Variants in PCDHA5 observed in about 807,000 individuals in gnomAD.
The protein encoded by PCDHA5 is protocadherin alpha 5, also known as protocadherin alpha-5.
PCDHA5 carries 43 observed loss-of-function variants against 61.6 expected under a neutral mutation model. The ratio of observed to expected loss-of-function variants is 0.70; its 90% CI spans 0.55 to 0.90. The LOEUF is 0.90. Ranked by LOEUF, PCDHA5 falls within the 40% of genes least tolerant of loss-of-function variation. The pLI is 0.00. For synonymous variants in PCDHA5, 627 were observed against 543.9 expected (o/e 1.15, Z -2.13); for missense variants, 1,298 against 1,222.7 (o/e 1.06, Z -0.92).
chr5:140,867,911 T>C (rs2050196676), intron 1 of PCDHA5: 1 of 152,134 alleles, frequency 6.6e-6, no homozygotes. Context: ...GAAGGTATAA[T>C]TAAAAATCAC....
At chr5:141,009,463 A>C in intron 3 of PCDHA5, 164 bp from the exon 4 acceptor site, 1 of 954,884 alleles carries the variant, frequency 1.0e-6, no homozygotes, top group Non-Finnish European at 1.2e-6. Context: ...AAACAAATAA[A>C]TAAATAAGTA....
intron 1 of PCDHA5, among the ~76,000 whole-genome samples, chr5:140,950,689 A>G (rs1585383013): frequency 2.6e-5 from 4 of 152,212 alleles, no homozygotes; most frequent in Admixed American, 2.6e-4. Flanking sequence ...ATTGTTAACC[A>G]AATTTGACAA....
chr5:140,928,291 G>A (rs62384489), intron 1 of PCDHA5: 1 of 1,614,142 alleles, frequency 6.2e-7, no homozygotes, highest in Non-Finnish European at 8.5e-7. Context: ...TCTAGGCCGA[G>A]TGTTTGCCCA....
chr5:140,821,687 TAA>T lies in PCDHA5; in HGVS notation c.-84_-83del. The T allele has an allele frequency of 7.3e-7, 1 of 1,378,436 alleles. No individual in the cohort carries two copies. Among genetic ancestry groups the T allele is most frequent in the Non-Finnish European group, 9.9e-7 (1 of 1,012,094 alleles). The allele number at this position is 1,378,436 out of a possible 1,614,324, so 85.4% of individuals were successfully genotyped here. On this transcript the variant is annotated 5_prime_UTR_variant, in exon 1 of 4. Transcript: ENST00000529859. ...CAAGAAGCTCAGAAAGGCGATAATA[TAA>T]AAAATATATAGTTAATTGGGAATTG...
intron 1 of PCDHA5, among the ~76,000 whole-genome samples, chr5:140,838,413 C>T (rs1304271115): frequency 6.6e-6 from 1 of 151,456 alleles, no homozygotes; most frequent in East Asian, 1.9e-4. Context: ...AGTGAGCCAC[C>T]GCATCCGGCC....
chr5:140,869,159 T>C, intron 1 of PCDHA5: 1 of 1,613,792 alleles, frequency 6.2e-7, no homozygotes, highest in Non-Finnish European at 8.5e-7. Flanking sequence ...CTCTGGCTTC[T>C]CCTCCTCGAA....
chr5:140,986,106 G>A (rs2097187379), intron 3 of PCDHA5, among the ~76,000 whole-genome samples: 2 of 152,116 alleles, frequency 1.3e-5, no homozygotes, highest in Non-Finnish European at 2.9e-5. Context: ...AAAAGCCTAA[G>A]ATAAAGATGC....
At chr5:140,875,516 T>G in intron 1 of PCDHA5, 1 of 1,613,976 alleles carries the variant, frequency 6.2e-7, no homozygotes, top group Non-Finnish European at 8.5e-7. Context: ...CAGCGTCTGC[T>G]GCTCTCGCTT....
Position 140,838,737 on chromosome 5 carries a change from A to G in PCDHA5, c.2352+14610A>G, listed in dbSNP as rs2150292002. The stretch of plus-strand genomic sequence containing the variant: ...GATTGCTTCAGTCTAGTAGTTTGAG[A>G]CCAGCTTGTGCATCTTTTGTAGAGA... On this transcript the variant is annotated intron_variant, in intron 1 of 3. Coordinates refer to ENST00000529859, the MANE Select transcript of PCDHA5 (RefSeq NM_018908.3). Among the ~76,000 whole-genome samples, 22 of 152,120 alleles carry G rather than the reference A, an allele frequency of 1.4e-4. 1 individual carries two copies. Among genetic ancestry groups the G allele is most frequent in the African/African-American group, 5.3e-4 (22 of 41,484 alleles).
intron 1 of PCDHA5, chr5:140,841,685 G>T (rs1332759626): frequency 6.2e-7 from 1 of 1,613,842 alleles, no homozygotes; most frequent in Non-Finnish European, 8.5e-7. Context: ...TGTGGACGTG[G>T]AGGTGAAGGA....
chr5:140,850,639 T>C (rs2150491929), intron 1 of PCDHA5: 1 of 1,598,684 alleles, frequency 6.3e-7, no homozygotes, highest in East Asian at 2.2e-5. Flanking sequence ...GTTCTCACGC[T>C]GCTGCTGTAC....
chr5:140,875,441 T>C (rs781902185), intron 1 of PCDHA5: 1 of 1,570,886 alleles, frequency 6.4e-7, no homozygotes, highest in Admixed American at 1.9e-5. Flanking sequence ...TTAAAACTGA[T>C]TGTCCCAACT....
rs143184133 is a variant in PCDHA5, at chr5:140,823,342, G to A, written c.1567G>A (p.Asp523Asn). The change falls in exon 1 of 4, where the codon GAC (aspartate) becomes AAC (asparagine). Residue 523 changes from aspartate (D) to asparagine (N), a missense_variant. By Grantham distance (23) the Asp-to-Asn change is conservative (BLOSUM62 1). Transcript: ENST00000529859. ...CAAGGTGTACGCGCTGCAGCCGCTGGACCACGAGGAAGTGGAGCTGCTGCA... is the reference window on the plus strand; with the variant it reads ...CAAGGTGTACGCGCTGCAGCCGCTGAACCACGAGGAAGTGGAGCTGCTGCA... ...SGKVYALQPL[D>N]HEEVELLQFQ... The A allele has an allele frequency of 6.2e-7, 1 of 1,612,384 alleles. No homozygotes were observed. The highest frequency in any genetic ancestry group is 8.5e-7 in the Non-Finnish European group (1 of 1,179,772).
chr5:140,915,850 C>A (rs2077335554), intron 1 of PCDHA5, among the ~76,000 whole-genome samples: 1 of 152,140 alleles, frequency 6.6e-6, no homozygotes, highest in South Asian at 2.1e-4. Context: ...GGGGTGACAC[C>A]AGCCAAGTTT....
chr5:140,973,242 ATTC>A (rs1295527172), intron 1 of PCDHA5, among the ~76,000 whole-genome samples: 1 of 152,170 alleles, frequency 6.6e-6, no homozygotes, highest in Non-Finnish European at 1.5e-5. Context: ...GAAAGAGTTA[ATTC>A]TTCTTTCAGT....
At chr5:140,928,914 A>C in intron 1 of PCDHA5, 2 of 1,614,136 alleles carry the variant, frequency 1.2e-6, no homozygotes, top group Non-Finnish European at 1.7e-6. Flanking sequence ...GGGAACCAGG[A>C]GGGCAGCTTT....
intron 1 of PCDHA5, chr5:140,842,219 G>C: frequency 1.9e-6 from 3 of 1,613,252 alleles, no homozygotes; most frequent in Non-Finnish European, 2.5e-6. Context: ...TCGAAATACG[G>C]GAGAAATAGT....
chr5:140,872,581 C>T (rs1037284236), intron 1 of PCDHA5, among the ~76,000 whole-genome samples: 14 of 152,104 alleles, frequency 9.2e-5, no homozygotes, highest in African/African-American at 3.1e-4. Flanking sequence ...GACCTATCAT[C>T]GTGAGACCCC....
In PCDHA5 at chr5:140,857,564, T is replaced by C. The variant is rs1254291079; in HGVS notation, c.2352+33437T>C. 1 of 1,596,742 alleles carries C rather than the reference T, an allele frequency of 6.3e-7. No homozygotes were observed. The highest frequency in any genetic ancestry group is 1.3e-5 in the African/African-American group (1 of 74,340). ...GTTGGGCGAGCGCTCGCTGTCGAGC[T>C]ACGTGTCGGTGCACGCGGAGAGCGG... On this transcript the variant is annotated intron_variant, in intron 1 of 3. Coordinates refer to ENST00000529859, the MANE Select transcript of PCDHA5 (RefSeq NM_018908.3).
Sources: gnomAD v4.1 joint callset for allele counts (sites outside exome capture counted in the v4.1 genomes callset) on GRCh38, gnomAD v4.1.1 for gene constraint, MANE v1.5 for transcripts, NCBI Gene and HGNC (gene_info 2026-07-23, HGNC 2026-07-21) for gene names.